The following GRIK4 variants were observed in gnomAD, a reference collection of about 807,000 sequenced individuals.
GRIK4 encodes glutamate receptor ionotropic, kainate 4.
Under a neutral mutation model 104.9 loss-of-function variants are expected in GRIK4, and 40 were observed. The ratio of observed to expected loss-of-function variants is 0.38; its 90% confidence interval spans 0.30 to 0.50. The LOEUF (loss-of-function observed/expected upper bound fraction) is 0.50, where lower values mean the gene tolerates loss of function less well. Ranked by LOEUF, GRIK4 falls within the 20% of genes least tolerant of loss-of-function variation. The pLI is 0.93. For missense variants in GRIK4, 1,047 were observed against 1,308.1 expected, an observed-to-expected ratio of 0.80 and a Z score of 3.08; for synonymous variants, 485 against 524.9, an observed-to-expected ratio of 0.92 and a Z score of 1.04.
chr11:120,543,631 C>G (rs2136089637), intron 1 of GRIK4, among the ~76,000 whole-genome samples: 1 of 152,240 alleles, frequency 6.6e-6, no homozygotes, highest in South Asian at 2.1e-4. Context: ...ACCATACAAG[C>G]CAGTAATCCC....
intron 11 of GRIK4, among the ~76,000 whole-genome samples, 175 bp downstream of exon 11, chr11:120,875,418 T>C (rs1038666715): frequency 2.6e-5 from 4 of 152,234 alleles, no homozygotes; most frequent in South Asian, 2.1e-4. Context: ...AGATCAGCCA[T>C]TGTGGCTCAG....
intron 3 of GRIK4, among the ~76,000 whole-genome samples, chr11:120,791,366 G>T (rs1023583313): frequency 6.6e-6 from 1 of 152,132 alleles, no homozygotes; most frequent in African/African-American, 2.4e-5. Context: ...AATAATGTTG[G>T]ACATATTTTC....
intron 6 of GRIK4, among the ~76,000 whole-genome samples, chr11:120,824,764 G>C (rs371084465): frequency 6.6e-6 from 1 of 151,836 alleles, no homozygotes; most frequent in Non-Finnish European, 1.5e-5. Context: ...TGGCCAGGCT[G>C]GTCTCGAACC....
chr11:120,757,109 C>G (rs1167515558), intron 3 of GRIK4, among the ~76,000 whole-genome samples: 1 of 152,212 alleles, frequency 6.6e-6, no homozygotes, highest in African/African-American at 2.4e-5. Flanking sequence ...GTAAGAGACT[C>G]CCAGAGTTGG....
At chr11:120,938,718 A>G (rs1229136534) in intron 13 of GRIK4, among the ~76,000 whole-genome samples, 1 of 152,196 alleles carries the variant, frequency 6.6e-6, no homozygotes, top group Admixed American at 6.5e-5. Flanking sequence ...TTTTGCATCA[A>G]CTGATCGACC....
In GRIK4 at chr11:120,511,901, C is replaced by A. The variant is rs550154188; in HGVS notation, c.-159+14C>A. ...GGAGCCGACCAGGTAAGGGCAGCGGCCCCCCGCGGCGCCCCCGGCCCGCTC... is the reference window on the plus strand; with the variant it reads ...GGAGCCGACCAGGTAAGGGCAGCGGACCCCCGCGGCGCCCCCGGCCCGCTC... On this transcript the variant is annotated intron_variant, in intron 1 of 20. Coordinates refer to ENST00000527524, the MANE Select transcript of GRIK4 (RefSeq NM_014619.5). 204 of 163,200 alleles carry A rather than the reference C, an allele frequency of 1.3e-3. No homozygotes were observed. The highest frequency in any genetic ancestry group is 6.0e-3 in the South Asian group (43 of 7,206). The allele number at this position is 163,200 out of a possible 1,614,324, so 10.1% of individuals were successfully genotyped here.
At chr11:120,589,901 A>C (rs1165951544) in intron 1 of GRIK4, among the ~76,000 whole-genome samples, 1 of 152,198 alleles carries the variant, frequency 6.6e-6, no homozygotes, top group East Asian at 1.9e-4. Flanking sequence ...CCAGAGCAGG[A>C]AAGGACCTCA....
chr11:120,902,191 CA>C lies in GRIK4; in HGVS notation c.1273-3098del, dbSNP rs1268497686. On this transcript the variant is annotated intron_variant, in intron 12 of 20. Transcript: ENST00000527524. This position sits in a 1 kb window ranked among gnomAD's most constrained non-coding sequence, Gnocchi z 4.5. ...GTGTGGATGGTTTATTGGTTAATGC[CA>C]GCAAACATGGAATTGGCTGCCGCTC... Among the ~76,000 whole-genome samples, 4 of 151,566 alleles carry C rather than the reference CA, an allele frequency of 2.6e-5. No homozygotes were observed. Among genetic ancestry groups the C allele is most frequent in the Non-Finnish European group, 4.4e-5 (3 of 68,024 alleles).
At chr11:120,516,813 G>A (rs909102907) in intron 1 of GRIK4, among the ~76,000 whole-genome samples, 1 of 152,126 alleles carries the variant, frequency 6.6e-6, no homozygotes, top group Non-Finnish European at 1.5e-5. Context: ...GGGGAGTAGG[G>A]AAGCCGGAGG....
chr11:120,535,401 GGAA>G (rs1947964359), intron 1 of GRIK4, among the ~76,000 whole-genome samples: 1 of 151,804 alleles, frequency 6.6e-6, no homozygotes, highest in African/African-American at 2.4e-5. Context: ...AGGGAAGGAG[GGAA>G]GAAGGAGTTT....
intron 3 of GRIK4, among the ~76,000 whole-genome samples, chr11:120,796,066 C>T (rs563123584): frequency 1.5e-4 from 22 of 145,398 alleles, no homozygotes; most frequent in African/African-American, 5.4e-4. Context: ...GACGGGGTCT[C>T]GCTCTGTTGC....
intron 3 of GRIK4, among the ~76,000 whole-genome samples, 182 bp downstream of exon 3, chr11:120,660,582 G>A (rs1001652982): frequency 3.9e-5 from 6 of 152,214 alleles, no homozygotes; most frequent in Non-Finnish European, 5.9e-5. Context: ...TGACCACTCC[G>A]ATCTGGTCAA....
At chr11:120,900,475 G>C (rs1942701308) in intron 12 of GRIK4, among the ~76,000 whole-genome samples, 1 of 152,146 alleles carries the variant, frequency 6.6e-6, no homozygotes, top group Admixed American at 6.5e-5. Flanking sequence ...GAACCAAAAA[G>C]ACAAGAATCC....
intron 3 of GRIK4, among the ~76,000 whole-genome samples, chr11:120,700,045 A>G (rs1324382090): frequency 6.6e-6 from 1 of 152,232 alleles, no homozygotes; most frequent in Non-Finnish European, 1.5e-5. Flanking sequence ...TTTGGGGTTT[A>G]CAGCATGTTA....
intron 3 of GRIK4, among the ~76,000 whole-genome samples, chr11:120,750,373 T>TC (rs1951527835): frequency 9.6e-6 from 1 of 103,982 alleles, no homozygotes; most frequent in East Asian, 2.2e-4. Context: ...TTTTTTTTTT[T>TC]TGGAGGCTGG....
Position 120,905,056 on chromosome 11 carries a change from A to C in GRIK4, c.1273-234A>C, listed in dbSNP as rs1942835321. Among the ~76,000 whole-genome samples, 1 of 152,210 alleles carries C rather than the reference A, an allele frequency of 6.6e-6. No individual in the cohort carries two copies. On this transcript the variant is annotated intron_variant, in intron 12 of 20. Transcript: ENST00000527524. The surrounding 1 kb of genome is among the most constrained non-coding windows in gnomAD (Gnocchi z 5.1). Reference sequence around the variant, plus strand: ...TGAAGCAGCTTGAGCCTGACCCTCCATGCAGTGGGAACCACTGTGTGTTCC... The same window carrying C: ...TGAAGCAGCTTGAGCCTGACCCTCCCTGCAGTGGGAACCACTGTGTGTTCC...
At chr11:120,880,103 T>G (rs1295817590) in intron 11 of GRIK4, among the ~76,000 whole-genome samples, 1 of 152,210 alleles carries the variant, frequency 6.6e-6, no homozygotes, top group East Asian at 1.9e-4. Flanking sequence ...GATCTAAACT[T>G]TTTCTGTTGG....
chr11:120,899,046 A>G (rs1942662134), intron 12 of GRIK4, among the ~76,000 whole-genome samples: 1 of 152,172 alleles, frequency 6.6e-6, no homozygotes, highest in South Asian at 2.1e-4. Flanking sequence ...CCACATCCTG[A>G]AGCGGACATG....
In GRIK4 at chr11:120,513,810, G is replaced by A. The variant is rs1947689520; in HGVS notation, c.-159+1923G>A. On this transcript the variant is annotated intron_variant, in intron 1 of 20. Transcript: ENST00000527524. This position sits in a 1 kb window ranked among gnomAD's most constrained non-coding sequence, Gnocchi z 4.5. Reference sequence around the variant, plus strand: ...TGCTCGGGAGGGGAGGTTGAGAGGGGATCTTGGTTTTCTGTGTTTTTCCCA... The same window carrying A: ...TGCTCGGGAGGGGAGGTTGAGAGGGAATCTTGGTTTTCTGTGTTTTTCCCA... Among the ~76,000 whole-genome samples, 1 of 152,284 alleles carries A rather than the reference G, an allele frequency of 6.6e-6. No individual in the cohort carries two copies. The highest frequency in any genetic ancestry group is 3.4e-3 in the Middle Eastern group (1 of 294).
Sources: gnomAD v4.1 joint callset for allele counts (sites outside exome capture counted in the v4.1 genomes callset) on GRCh38, gnomAD v4.1.1 for gene constraint, Gnocchi (gnomAD v3.1) non-coding constraint, MANE v1.5 for transcripts, NCBI Gene and HGNC (gene_info 2026-07-23, HGNC 2026-07-21) for gene names.